The following CADPS2 variants were observed in gnomAD, a reference collection of about 807,000 sequenced individuals.
The protein encoded by CADPS2 is calcium dependent secretion activator 2.
CADPS2 carries 93 observed loss-of-function variants against 172.5 expected under a neutral mutation model. The ratio of observed to expected loss-of-function variants is 0.54; its 90% CI spans 0.46 to 0.64. The LOEUF (loss-of-function observed/expected upper bound fraction) is 0.64, where lower values mean the gene tolerates loss of function less well. CADPS2 is among the 30% of genes least tolerant of loss of function. CADPS2 has a pLI of 0.00. For synonymous variants in CADPS2, 546 were observed against 555.2 expected, an observed-to-expected ratio of 0.98 and a Z score of 0.23; for missense variants, 1,420 against 1,565.9, an observed-to-expected ratio of 0.91 and a Z score of 1.57.
intron 1 of CADPS2, among the ~76,000 whole-genome samples, chr7:122,800,118 T>C (rs1312081778): frequency 1.3e-5 from 2 of 152,242 alleles, no homozygotes; most frequent in African/African-American, 2.4e-5. Flanking sequence ...TACTATCTAC[T>C]AGCAAGTTCA....
chr7:122,416,296 C>CAAAA, intron 17 of CADPS2, 132 bp from the exon 18 acceptor site: 1 of 336,040 alleles, frequency 3.0e-6, no homozygotes, highest in South Asian at 1.0e-4. Context: ...ATTATTTAGA[C>CAAAA]AAAAAAAAAA....
At chr7:122,380,563 C>A (rs1457637892) in intron 24 of CADPS2, among the ~76,000 whole-genome samples, 1 of 152,020 alleles carries the variant, frequency 6.6e-6, no homozygotes, top group Non-Finnish European at 1.5e-5. Context: ...TGACACTCCA[C>A]CCCTCTCCCC....
chr7:122,579,381 A>G (rs902532086), intron 7 of CADPS2, among the ~76,000 whole-genome samples: 1 of 150,976 alleles, frequency 6.6e-6, no homozygotes, highest in Non-Finnish European at 1.5e-5. Flanking sequence ...TAATAGATAG[A>G]AAAGTTGTCT....
chr7:122,487,329 A>G (rs2152292294), intron 11 of CADPS2, among the ~76,000 whole-genome samples: 1 of 152,090 alleles, frequency 6.6e-6, no homozygotes, highest in South Asian at 2.1e-4. Flanking sequence ...TTTTATACAC[A>G]CTGGGAAACC....
At chr7:122,795,001 C>T (rs915520253) in intron 1 of CADPS2, among the ~76,000 whole-genome samples, 4 of 152,010 alleles carry the variant, frequency 2.6e-5, no homozygotes, top group Admixed American at 6.6e-5. Flanking sequence ...GCGCTAAATG[C>T]CCACATCAGA....
At chr7:122,369,010 T>C (rs1014194409) in intron 25 of CADPS2, among the ~76,000 whole-genome samples, 2 of 152,134 alleles carry the variant, frequency 1.3e-5, no homozygotes, top group Admixed American at 1.3e-4. Flanking sequence ...AATTTTAATA[T>C]AAAGTGGCAA....
intron 8 of CADPS2, among the ~76,000 whole-genome samples, chr7:122,549,620 T>TAA (rs34608490): frequency 2.4e-3 from 354 of 147,236 alleles, no homozygotes; most frequent in African/African-American, 7.9e-3. Context: ...GACTCTGTCT[T>TAA]AAAAAAAAAA....
intron 7 of CADPS2, among the ~76,000 whole-genome samples, chr7:122,557,245 C>T (rs963961715): frequency 2.0e-5 from 3 of 152,166 alleles, no homozygotes; most frequent in African/African-American, 7.2e-5. Flanking sequence ...TCCAATTTCG[C>T]CATGAATGAA....
chr7:122,621,386 GT>G, intron 5 of CADPS2, 94 bp downstream of exon 5: 2 of 826,818 alleles, frequency 2.4e-6, no homozygotes, highest in Non-Finnish European at 3.9e-6. Context: ...ATATTACACT[GT>G]TTTAAATTCT....
chr7:122,763,822 T>G (rs2093464940), intron 1 of CADPS2, among the ~76,000 whole-genome samples: 1 of 152,160 alleles, frequency 6.6e-6, no homozygotes, highest in Non-Finnish European at 1.5e-5. Flanking sequence ...TCACCATTTC[T>G]GAGATCAGAT....
intron 1 of CADPS2, among the ~76,000 whole-genome samples, chr7:122,770,054 A>C (rs142394849): frequency 1.3e-5 from 2 of 152,352 alleles, no homozygotes; most frequent in African/African-American, 4.8e-5. Flanking sequence ...GGAGCCTGAC[A>C]CATAGAAAGG....
chr7:122,565,321 G>C lies in CADPS2; in HGVS notation c.1336-10632C>G, dbSNP rs57556241. On this transcript the variant is annotated intron_variant, in intron 7 of 29. Coordinates refer to ENST00000449022, the MANE Select transcript of CADPS2 (RefSeq NM_017954.11). The stretch of plus-strand genomic sequence containing the variant: ...GCAATGGGAAAGGAAGATGGACAGG[G>C]AGTATGAGGTTGAGAAATCTCTGCG... Among the ~76,000 whole-genome samples the C allele has an allele frequency of 3.4e-3, 517 of 152,044 alleles. 5 individuals are homozygous for C. Among genetic ancestry groups the C allele is most frequent in the African/African-American group, 0.012 (492 of 41,492 alleles).
intron 1 of CADPS2, among the ~76,000 whole-genome samples, chr7:122,817,840 G>A (rs563978741): frequency 6.7e-6 from 1 of 149,460 alleles, no homozygotes; most frequent in East Asian, 2.0e-4. Flanking sequence ...TTATATCTCT[G>A]CACCCCAATC....
chr7:122,772,616 G>A (rs1211750693), intron 1 of CADPS2, among the ~76,000 whole-genome samples: 1 of 151,864 alleles, frequency 6.6e-6, no homozygotes, highest in Non-Finnish European at 1.5e-5. Flanking sequence ...AAATCCACTG[G>A]CAAAAGCAAT....
chr7:122,388,088 A>C (rs1255924894), intron 23 of CADPS2, among the ~76,000 whole-genome samples: 1 of 152,122 alleles, frequency 6.6e-6, no homozygotes, highest in Non-Finnish European at 1.5e-5. Flanking sequence ...ACTTATTTCC[A>C]GTTAAGTGAT....
intron 1 of CADPS2, among the ~76,000 whole-genome samples, chr7:122,885,662 G>C (rs1022736333): frequency 1.1e-4 from 16 of 152,270 alleles, no homozygotes; most frequent in African/African-American, 3.8e-4. Context: ...AGTGCTGTTG[G>C]AAATTAAAGT....
At chr7:122,554,396 T>C (rs1390398013) in intron 8 of CADPS2, among the ~76,000 whole-genome samples, 154 bp downstream of exon 8, 1 of 152,100 alleles carries the variant, frequency 6.6e-6, no homozygotes, top group Non-Finnish European at 1.5e-5. Context: ...TCTATGGGTA[T>C]AAAAACATTG....
intron 10 of CADPS2, 117 bp downstream of exon 10, chr7:122,491,195 A>G (rs571797926): frequency 9.3e-6 from 5 of 538,854 alleles, no homozygotes; most frequent in Non-Finnish European, 1.6e-5. Context: ...CAGGTATATA[A>G]GTGAAATATG....
chr7:122,566,141 T>A (rs1255492224), intron 7 of CADPS2, among the ~76,000 whole-genome samples: 1 of 152,138 alleles, frequency 6.6e-6, no homozygotes, highest in Non-Finnish European at 1.5e-5. Flanking sequence ...TCCTACTGCA[T>A]ATATGAAAGA....
Sources: allele counts gnomAD v4.1 joint callset (sites outside exome capture counted in the v4.1 genomes callset), GRCh38; gene constraint gnomAD v4.1.1; transcripts MANE v1.5; gene names NCBI Gene and HGNC (gene_info 2026-07-23, HGNC 2026-07-21).